NDRG4: variants seen among roughly 807,000 people sequenced by gnomAD.
The protein encoded by NDRG4 is protein NDRG4.
In NDRG4, 38 loss-of-function variants were observed where a neutral mutation model predicts 55.8. The observed-to-expected ratio is 0.68, with a 90% confidence interval of 0.53 to 0.89. The LOEUF is 0.89. Ranked by LOEUF, NDRG4 falls within the 40% of genes least tolerant of loss-of-function variation. The probability of loss-of-function intolerance (pLI) is 0.00; values close to 1 mark genes in which losing one functional copy is unlikely to be tolerated. For missense variants in NDRG4, 455 were observed against 468.6 expected (o/e 0.97, Z 0.27); for synonymous variants, 190 against 182.7 (o/e 1.04, Z -0.32).
downstream of NDRG4, among the ~76,000 whole-genome samples, chr16:58,515,104 T>TA (rs2039072287): frequency 2.0e-5 from 3 of 152,232 alleles, no homozygotes; most frequent in South Asian, 6.2e-4. Context: ...ATACCACCAG[T>TA]AAAAGGGTTC....
intron 2 of NDRG4, among the ~76,000 whole-genome samples, chr16:58,490,661 G>A (rs981171396): frequency 6.6e-6 from 1 of 152,194 alleles, no homozygotes; most frequent in Admixed American, 6.5e-5. Context: ...GGGCACATCT[G>A]CTTTTTCCAA....
chr16:58,468,786 C>T (rs551613460), intron 1 of NDRG4, among the ~76,000 whole-genome samples: 30 of 152,194 alleles, frequency 2.0e-4, no homozygotes, highest in Admixed American at 1.9e-3. Flanking sequence ...CACCTGCACA[C>T]GAGCTCATTA....
At chr16:58,489,303 A>G (rs1184148450) in intron 2 of NDRG4, among the ~76,000 whole-genome samples, 1 of 152,006 alleles carries the variant, frequency 6.6e-6, no homozygotes, top group Non-Finnish European at 1.5e-5. Flanking sequence ...ATAAAAAATA[A>G]GCCATGTCAC....
intron 5 of NDRG4, chr16:58,506,004 G>A (rs535402104): frequency 2.9e-6 from 1 of 344,974 alleles, no homozygotes; most frequent in South Asian, 2.4e-5. Context: ...TTACAGGCGT[G>A]AGCCACGGCG....
In NDRG4 at chr16:58,464,761, G is replaced by A; in HGVS notation, c.-24+964G>A. On this transcript the variant is annotated intron_variant, in intron 1 of 15. Coordinates refer to the NDRG4 transcript ENST00000258187. The surrounding 1 kb of genome is among the most constrained non-coding windows in gnomAD (Gnocchi z 4.8). Reference sequence around the variant, plus strand: ...TTAGGACCCTGAAAGCTAGCTCAGGGCTCCTGCCCTCCAATCAGTGTCGCT... The same window carrying A: ...TTAGGACCCTGAAAGCTAGCTCAGGACTCCTGCCCTCCAATCAGTGTCGCT... 2 of 1,277,966 alleles carry A rather than the reference G, an allele frequency of 1.6e-6. No individual in the cohort carries two copies. The highest frequency in any genetic ancestry group is 2.0e-6 in the Non-Finnish European group (2 of 1,014,444). 79.2% of individuals were successfully genotyped at this position (1,277,966 alleles called of 1,614,324 possible).
At chr16:58,498,833 T>G (rs558544783), upstream of NDRG4, among the ~76,000 whole-genome samples, 179 of 152,286 alleles carry the variant, frequency 1.2e-3, no homozygotes, top group African/African-American at 3.9e-3. Flanking sequence ...GGTCAGGTCT[T>G]GCCAGCCAAA....
chr16:58,474,204 G>A (rs979101673), intron 1 of NDRG4, among the ~76,000 whole-genome samples: 4 of 151,726 alleles, frequency 2.6e-5, no homozygotes, highest in South Asian at 2.1e-4. Flanking sequence ...CCACACACCC[G>A]GCTAACTTTT....
chr16:58,494,053 G>A (rs2036106360), intron 2 of NDRG4, among the ~76,000 whole-genome samples: 1 of 152,182 alleles, frequency 6.6e-6, no homozygotes, highest in African/African-American at 2.4e-5. Flanking sequence ...GGTGCATTTT[G>A]AGCCTCTCTC....
At chr16:58,492,547 T>TGA (rs1197199820) in intron 2 of NDRG4, among the ~76,000 whole-genome samples, 26 of 51,558 alleles carry the variant, frequency 5.0e-4, no homozygotes, top group African/African-American at 1.2e-3. Context: ...TGTGTGTGTG[T>TGA]GTGTGAGAGA....
At chr16:58,467,679 C>T (rs542488046) in intron 1 of NDRG4, among the ~76,000 whole-genome samples, 3 of 152,326 alleles carry the variant, frequency 2.0e-5, no homozygotes, top group South Asian at 4.1e-4. Context: ...GGCATTCTAA[C>T]TGCCTGGCTT....
intron 8 of NDRG4, chr16:58,507,503 CAAT>C: frequency 2.6e-6 from 1 of 389,568 alleles, no homozygotes; most frequent in East Asian, 4.4e-5. Context: ...GAAAACAAAA[CAAT>C]AGAGAATAGA....
intron 1 of NDRG4, among the ~76,000 whole-genome samples, chr16:58,486,359 T>C (rs2035074381): frequency 6.6e-6 from 1 of 151,880 alleles, no homozygotes; most frequent in African/African-American, 2.4e-5. Flanking sequence ...GGGGCCTTGC[T>C]ATGTTGTCCA....
At chr16:58,488,657 C>T (rs2035416691) in intron 2 of NDRG4, among the ~76,000 whole-genome samples, 1 of 152,110 alleles carries the variant, frequency 6.6e-6, no homozygotes, top group Admixed American at 6.5e-5. Context: ...CCTCCCCAGC[C>T]TCCCATCACC....
exon 3 of NDRG4, chr16:58,494,977 C>T: frequency 1.2e-6 from 2 of 1,613,710 alleles, no homozygotes; most frequent in Non-Finnish European, 1.7e-6. Flanking sequence ...AGCTCCGATG[C>T]CTTCCTCTTG....
intron 1 of NDRG4, chr16:58,500,715 C>T (rs1049656983): frequency 4.7e-6 from 2 of 422,360 alleles, no homozygotes; most frequent in Non-Finnish European, 8.3e-6. Flanking sequence ...GGTGAGCCCC[C>T]GAGGCTGTGT....
chr16:58,510,836 C>T, intron 14 of NDRG4, 153 bp downstream of exon 14: 1 of 741,082 alleles, frequency 1.3e-6, no homozygotes, highest in South Asian at 1.7e-5. Flanking sequence ...CAGATTCTTG[C>T]TTTTCTGCAG....
intron 2 of NDRG4, among the ~76,000 whole-genome samples, chr16:58,492,530 GTGTGTGTGTGTGTGTGT>G (rs1432364371): frequency 9.3e-6 from 1 of 107,126 alleles, no homozygotes; most frequent in African/African-American, 2.8e-5. Context: ...GTGTGTGTGT[GTGTGTGTGTGTGTGTGT>G]GTGTGAGAGA....
chr16:58,504,151 C>T lies in NDRG4; in HGVS notation c.128-3C>T. On this transcript the variant is annotated splice_region_variant and splice_polypyrimidine_tract_variant and intron_variant, in intron 2 of 14. Transcript: ENST00000570248. ...CAGCCATAGTGGAAGTGTGTCTTTG[C>T]AGACAAACTATGCTTCAACACCTTC... 6.2e-7 allele frequency: 1 copy of T among 1,614,108 alleles called. No homozygotes were observed. Among genetic ancestry groups the T allele is most frequent in the Non-Finnish European group, 8.5e-7 (1 of 1,180,038 alleles).
chr16:58,482,890 C>A (rs1341014293), intron 1 of NDRG4, among the ~76,000 whole-genome samples: 1 of 152,074 alleles, frequency 6.6e-6, no homozygotes, highest in Non-Finnish European at 1.5e-5. Flanking sequence ...TCAAGTAATT[C>A]TCCTGCCTCA....
Sources: allele counts gnomAD v4.1 joint callset (sites outside exome capture counted in the v4.1 genomes callset), GRCh38; gene constraint gnomAD v4.1.1; non-coding constraint Gnocchi (gnomAD v3.1); transcripts MANE v1.5; gene names NCBI Gene and HGNC (gene_info 2026-07-23, HGNC 2026-07-21).